Variants in CRMP1 observed in about 807,000 individuals in gnomAD.
CRMP1 encodes the protein dihydropyrimidinase-related protein 1.
CRMP1 carries 19 observed loss-of-function variants against 68.3 expected under a neutral mutation model. The ratio of observed to expected loss-of-function variants is 0.28; its 90% confidence interval spans 0.19 to 0.41. The LOEUF (loss-of-function observed/expected upper bound fraction) is 0.41. CRMP1 is among the 10% of genes least tolerant of loss of function. The pLI is 1.00. For missense variants in CRMP1, 791 were observed against 967.4 expected (o/e 0.82, Z 2.42); for synonymous variants, 439 against 399.6 (o/e 1.10, Z -1.18).
chr4:5,822,038 A>C (rs1718678965), intron 13 of CRMP1, among the ~76,000 whole-genome samples, 187 bp from the exon 14 acceptor site: 1 of 140,144 alleles, frequency 7.1e-6, no homozygotes, highest in East Asian at 1.9e-4. Context: ...TGTGCCCCTC[A>C]GTCCCTGGGC....
chr4:5,867,313 G>A lies in CRMP1; in HGVS notation c.382-557C>T, dbSNP rs116873516. Among the ~76,000 whole-genome samples, 60 of 152,166 alleles carry A rather than the reference G, an allele frequency of 3.9e-4. No homozygotes were observed. In the East Asian group the frequency reaches 9.8e-3, roughly 25 times the overall value. On this transcript the variant is annotated intron_variant, in intron 1 of 13. Coordinates refer to ENST00000324989, the MANE Select transcript of CRMP1 (RefSeq NM_001014809.3). ...CACAGCACACCTGCCTCATCATCTCGGCAGCCTCTGTCAGCATCTGCACTG... is the reference window on the plus strand; with the variant it reads ...CACAGCACACCTGCCTCATCATCTCAGCAGCCTCTGTCAGCATCTGCACTG...
In CRMP1 at chr4:5,838,328, C is replaced by T. The variant is rs1720865260; in HGVS notation, c.1310+1194G>A. ...GGCGTGTGCACCGGATTGAGTTCTG[C>T]CTTGTTGGATGTTGCAGGGACTTGG... On this transcript the variant is annotated intron_variant, in intron 9 of 13. Transcript: ENST00000324989. This position sits in a 1 kb window ranked among gnomAD's most constrained non-coding sequence, Gnocchi z 4.9. Among the ~76,000 whole-genome samples, 1 of 152,028 alleles carries T rather than the reference C, an allele frequency of 6.6e-6. No homozygotes were observed. Among genetic ancestry groups the T allele is most frequent in the African/African-American group, 2.4e-5 (1 of 41,396 alleles).
At position 5,850,455 on chromosome 4, in the gene CRMP1, A is replaced by G. The variant is rs1022721956; in HGVS notation, c.882+953T>C. Among the ~76,000 whole-genome samples the G allele has an allele frequency of 1.3e-5, 2 of 152,116 alleles. No individual in the cohort carries two copies. The highest frequency in any genetic ancestry group is 6.5e-5 in the Admixed American group (1 of 15,272). Reference sequence around the variant, plus strand: ...TCAAAGGCCTCCAGGACATCTTGGGATAAGTTATTTTCTGTAACCCCAAGT... The same window carrying G: ...TCAAAGGCCTCCAGGACATCTTGGGGTAAGTTATTTTCTGTAACCCCAAGT... On this transcript the variant is annotated intron_variant, in intron 5 of 13. Coordinates refer to ENST00000324989, the MANE Select transcript of CRMP1 (RefSeq NM_001014809.3). The surrounding 1 kb of genome is among the most constrained non-coding windows in gnomAD (Gnocchi z 4.4).
chr4:5,837,438 C>T (rs1373812401), intron 9 of CRMP1, among the ~76,000 whole-genome samples: 4 of 142,592 alleles, frequency 2.8e-5, no homozygotes, highest in African/African-American at 1.1e-4. Context: ...GCCTGACCAA[C>T]ATGGCAAAAC....
Position 5,888,307 on chromosome 4 carries a change from G to T in CRMP1, c.381+4282C>A. ...CCTCGGCCCGGCCGCTGACCTGCGGGGCTGTCTGACTGGAACCGGCGCTCT... is the reference window on the plus strand; with the variant it reads ...CCTCGGCCCGGCCGCTGACCTGCGGTGCTGTCTGACTGGAACCGGCGCTCT... On this transcript the variant is annotated intron_variant, in intron 1 of 13. Transcript: ENST00000324989. This position sits in a 1 kb window ranked among gnomAD's most constrained non-coding sequence, Gnocchi z 6.4. 1 of 1,252,464 alleles carries T rather than the reference G, an allele frequency of 8.0e-7. No homozygotes were observed. Among genetic ancestry groups the T allele is most frequent in the Non-Finnish European group, 1.0e-6 (1 of 992,908 alleles). 77.6% of individuals were successfully genotyped at this position (1,252,464 alleles called of 1,614,324 possible). A position where few individuals can be genotyped will look rare whatever the true frequency, so the allele number is the denominator to read the frequency against.
intron 1 of CRMP1, among the ~76,000 whole-genome samples, chr4:5,867,288 C>T (rs182309488): frequency 5.0e-4 from 76 of 152,314 alleles, no homozygotes; most frequent in Non-Finnish European, 8.4e-4. Context: ...TACCAGGCCC[C>T]ACAGCACACC....
intron 10 of CRMP1, 43 bp from the exon 11 acceptor site, chr4:5,836,128 G>C (rs764999499): frequency 1.4e-6 from 2 of 1,395,226 alleles, no homozygotes; most frequent in South Asian, 2.0e-5. Context: ...CTCATAATGG[G>C]GCCAGGAGGA....
At chr4:5,868,273 A>ATC (rs1560513273) in intron 1 of CRMP1, among the ~76,000 whole-genome samples, 182 of 36,790 alleles carry the variant, frequency 4.9e-3, no homozygotes, top group Non-Finnish European at 7.2e-3. Context: ...ATATATATAT[A>ATC]TATATATATA....
chr4:5,866,155 T>G lies in CRMP1; in HGVS notation c.470+513A>C, dbSNP rs960122554. On this transcript the variant is annotated intron_variant, in intron 2 of 13. Transcript: ENST00000324989. This position sits in a 1 kb window ranked among gnomAD's most constrained non-coding sequence, Gnocchi z 5.9. Reference sequence around the variant, plus strand: ...CCAATGAGAAGAAAGGGAAGGAAACTCCAGCCCCAATGTCTATCTTTTCTT... The same window carrying G: ...CCAATGAGAAGAAAGGGAAGGAAACGCCAGCCCCAATGTCTATCTTTTCTT... Among the ~76,000 whole-genome samples the G allele has an allele frequency of 6.6e-6, 1 of 152,088 alleles. No homozygotes were observed. Among genetic ancestry groups the G allele is most frequent in the East Asian group, 1.9e-4 (1 of 5,184 alleles).
rs1418175093 is a variant in CRMP1 at position 5,868,293 on chromosome 4, A to G, written c.382-1537T>C. ...TATATATATATATATATATATATAT[A>G]TATATATATACATAATTTTTTTTTT... On this transcript the variant is annotated intron_variant, in intron 1 of 13. Transcript: ENST00000324989. 9.9e-4 allele frequency among the ~76,000 whole-genome samples: 98 copies of G among 98,674 alleles called. 1 individual carries two copies. The highest frequency in any genetic ancestry group is 1.7e-3 in the Non-Finnish European group (83 of 48,882). 64.7% of individuals were successfully genotyped at this position (98,674 alleles called of 152,430 possible). A position where few individuals can be genotyped will look rare whatever the true frequency, so the allele number is the denominator to read the frequency against.
At chr4:5,848,778 G>A (rs554036181) in intron 6 of CRMP1, among the ~76,000 whole-genome samples, 5 of 152,210 alleles carry the variant, frequency 3.3e-5, no homozygotes, top group East Asian at 1.9e-4. Flanking sequence ...ATAGCATGGC[G>A]GTGGGCATCA....
intron 1 of CRMP1, chr4:5,887,815 G>C: frequency 1.0e-6 from 1 of 994,672 alleles, no homozygotes; most frequent in South Asian, 4.7e-5. Flanking sequence ...GGGGTGCATG[G>C]GCCGGACGGT....
chr4:5,822,502 G>C (rs566000824), intron 13 of CRMP1, among the ~76,000 whole-genome samples: 11 of 149,618 alleles, frequency 7.4e-5, no homozygotes, highest in African/African-American at 2.5e-4. Context: ...AAGGGGGGGG[G>C]GGTGGTGTGC....
chr4:5,872,791 C>T lies in CRMP1; in HGVS notation c.382-6035G>A, dbSNP rs1469423314. 6.6e-6 allele frequency among the ~76,000 whole-genome samples: 1 copy of T among 152,212 alleles called. No homozygotes were observed. Among genetic ancestry groups the T allele is most frequent in the African/African-American group, 2.4e-5 (1 of 41,456 alleles). On this transcript the variant is annotated intron_variant, in intron 1 of 13. Coordinates refer to ENST00000324989, the MANE Select transcript of CRMP1 (RefSeq NM_001014809.3). The surrounding 1 kb of genome is among the most constrained non-coding windows in gnomAD (Gnocchi z 4.6). Reference sequence around the variant, plus strand: ...GATTAGCTAGGGCATGTCAGAGATACAGTTCGTTCCACAGCGACAGCAATG... The same window carrying T: ...GATTAGCTAGGGCATGTCAGAGATATAGTTCGTTCCACAGCGACAGCAATG...
chr4:5,880,290 C>T (rs1428275315), intron 1 of CRMP1, among the ~76,000 whole-genome samples: 1 of 152,106 alleles, frequency 6.6e-6, no homozygotes, highest in African/African-American at 2.4e-5. Context: ...TAAAATTTTA[C>T]ATAATTTAAA....
Position 5,888,172 on chromosome 4 carries a change from GC to G in CRMP1, c.381+4416del. 1 of 1,237,264 alleles carries G rather than the reference GC, an allele frequency of 8.1e-7. No homozygotes were observed. The allele number at this position is 1,237,264 out of a possible 1,614,324, so 76.6% of individuals were successfully genotyped here. A position where few individuals can be genotyped will look rare whatever the true frequency, so the allele number is the denominator to read the frequency against. ...CCCGTGGATCTGGACCCTGCCGGGC[GC>G]CCACTCCCAGCCCACAAAGGCCAGC... On this transcript the variant is annotated intron_variant, in intron 1 of 13. Coordinates refer to ENST00000324989, the MANE Select transcript of CRMP1 (RefSeq NM_001014809.3). This position sits in a 1 kb window ranked among gnomAD's most constrained non-coding sequence, Gnocchi z 6.4.
chr4:5,838,159 TAAGA>T lies in CRMP1; in HGVS notation c.1311-1257_1311-1254del, dbSNP rs1412981974. Among the ~76,000 whole-genome samples the T allele has an allele frequency of 1.3e-5, 2 of 152,020 alleles. No homozygotes were observed. Among genetic ancestry groups the T allele is most frequent in the Non-Finnish European group, 2.9e-5 (2 of 67,984 alleles). ...GTCACAGAGCAAACCATGTGGCGTC[TAAGA>T]AAGAGGGAACTAGCCAGGGGTTCCC... On this transcript the variant is annotated intron_variant, in intron 9 of 13. Transcript: ENST00000324989. This position sits in a 1 kb window ranked among gnomAD's most constrained non-coding sequence, Gnocchi z 4.9.
At position 5,892,734 on chromosome 4, in the gene CRMP1, C is replaced by T. The variant is rs1404830751; in HGVS notation, c.236G>A (p.Gly79Glu). The T allele has an allele frequency of 2.9e-5, 35 of 1,227,662 alleles. No homozygotes were observed. The highest frequency in any genetic ancestry group is 8.4e-5 in the Admixed American group (2 of 23,686). The allele number at this position is 1,227,662 out of a possible 1,614,324, so 76.0% of individuals were successfully genotyped here. ...RPDAVGLPGP[G>E]GSEDTASDVS... ...GTCGCTGGCCGTGTCCTCGCTGCCT[C>T]CCGGCCCTGGCAGCCCGACCGCGTC... The change falls in exon 1 of 14, where the codon GGA (glycine) becomes GAA (glutamate). Residue 79 changes from glycine to glutamate, a missense_variant. Coordinates refer to ENST00000324989, the MANE Select transcript of CRMP1 (RefSeq NM_001014809.3). This position sits in a 1 kb window ranked among gnomAD's most constrained non-coding sequence, Gnocchi z 8.6.
Position 5,870,990 on chromosome 4 carries a change from C to T in CRMP1, c.382-4234G>A, listed in dbSNP as rs997492719. 3.3e-5 allele frequency among the ~76,000 whole-genome samples: 5 copies of T among 152,166 alleles called. No individual in the cohort carries two copies. The highest frequency in any genetic ancestry group is 7.2e-5 in the African/African-American group (3 of 41,446). On this transcript the variant is annotated intron_variant, in intron 1 of 13. Coordinates refer to ENST00000324989, the MANE Select transcript of CRMP1 (RefSeq NM_001014809.3). This position sits in a 1 kb window ranked among gnomAD's most constrained non-coding sequence, Gnocchi z 6.0. ...TTGTCACTATTAATAGGGGGCTTTT[C>T]GGGCTCAGCCCGAAAGGTGGTATTT... is the stretch of plus-strand genomic sequence containing the variant.
Sources: gnomAD v4.1 joint callset for allele counts (sites outside exome capture counted in the v4.1 genomes callset) on GRCh38, gnomAD v4.1.1 for gene constraint, Gnocchi (gnomAD v3.1) non-coding constraint, MANE v1.5 for transcripts, NCBI Gene and HGNC (gene_info 2026-07-23, HGNC 2026-07-21) for gene names.